SPECC1: variants seen among roughly 807,000 people sequenced by gnomAD.
SPECC1 encodes cytospin-B.
In SPECC1, 62 loss-of-function variants were observed where a neutral mutation model predicts 104.1. That is an observed-to-expected ratio of 0.60 (90% CI 0.49 to 0.74). SPECC1 has a LOEUF of 0.74. Among genes scored for constraint, SPECC1 ranks in the 30% least tolerant of loss-of-function variants. The pLI is 0.00. For missense variants in SPECC1, 1,306 were observed against 1,310.5 expected (o/e 1.00, Z 0.05); for synonymous variants, 513 against 501.6 (o/e 1.02, Z -0.30).
intron 3 of SPECC1, among the ~76,000 whole-genome samples, chr17:20,134,108 TAATATA>T (rs1336256165): frequency 1.3e-5 from 2 of 150,198 alleles, no homozygotes; most frequent in Non-Finnish European, 3.0e-5. Flanking sequence ...TATATTTATG[TAATATA>T]AATATAACAA....
At position 20,255,883 on chromosome 17, in the gene SPECC1, C is replaced by CTT. The variant is rs554972995; in HGVS notation, c.2681-1557_2681-1556dup. Reference sequence around the variant, plus strand: ...CATCATGCCTGGCCAAGAAACCATTCTTTTTTTTTTTTGAGATGCAGTCTT... The same window carrying CTT: ...CATCATGCCTGGCCAAGAAACCATTCTTTTTTTTTTTTTTGAGATGCAGTCTT... On this transcript the variant is annotated intron_variant, in intron 10 of 14. Transcript: ENST00000395527. Among the ~76,000 whole-genome samples, 6 of 141,936 alleles carry CTT rather than the reference C, an allele frequency of 4.2e-5. No individual in the cohort carries two copies. The East Asian group carries it at 6.2e-4, about 15-fold the overall frequency. 93.1% of individuals were successfully genotyped at this position (141,936 alleles called of 152,430 possible).
intron 1 of SPECC1, among the ~76,000 whole-genome samples, chr17:20,055,199 C>T (rs2045916610): frequency 6.6e-6 from 1 of 151,806 alleles, no homozygotes; most frequent in African/African-American, 2.4e-5. Context: ...CTTTCTATGA[C>T]TGCCTTATTT....
At chr17:20,076,366 A>G (rs1003354965) in intron 1 of SPECC1, among the ~76,000 whole-genome samples, 3 of 152,130 alleles carry the variant, frequency 2.0e-5, no homozygotes, top group African/African-American at 4.8e-5. Context: ...TGCCCAGCTA[A>G]GTTTTGTATT....
At chr17:20,140,132 G>C (rs910982605) in intron 3 of SPECC1, among the ~76,000 whole-genome samples, 1 of 152,098 alleles carries the variant, frequency 6.6e-6, no homozygotes, top group Non-Finnish European at 1.5e-5. Context: ...AATTGAAAAA[G>C]TTGGCTAAAC....
intron 3 of SPECC1, among the ~76,000 whole-genome samples, chr17:20,174,821 T>A (rs2151196709): frequency 6.6e-6 from 1 of 152,220 alleles, no homozygotes; most frequent in East Asian, 1.9e-4. Flanking sequence ...TAGACCTGAC[T>A]CATTTTCTTC....
At chr17:20,222,243 A>G (rs904867360) in intron 4 of SPECC1, among the ~76,000 whole-genome samples, 2 of 152,030 alleles carry the variant, frequency 1.3e-5, no homozygotes, top group African/African-American at 2.4e-5. Context: ...TGAGACAGGA[A>G]AATTGCTTGA....
chr17:20,298,924 A>AGAGAGAGAGG (rs2041448310), intron 13 of SPECC1, among the ~76,000 whole-genome samples: 1 of 51,586 alleles, frequency 1.9e-5, no homozygotes, highest in Non-Finnish European at 3.3e-5. Context: ...GAACCAAAAG[A>AGAGAGAGAGG]GAGAGAGAGA....
At chr17:20,092,494 T>C (rs1357170468) in intron 1 of SPECC1, among the ~76,000 whole-genome samples, 3 of 152,114 alleles carry the variant, frequency 2.0e-5, no homozygotes, top group Non-Finnish European at 4.4e-5. Flanking sequence ...CCTGCAGGTG[T>C]GTTTCCCTCG....
At chr17:20,033,768 CA>C (rs2044929385) in intron 1 of SPECC1, among the ~76,000 whole-genome samples, 1 of 152,190 alleles carries the variant, frequency 6.6e-6, no homozygotes, top group Non-Finnish European at 1.5e-5. Flanking sequence ...GCCCCACCTC[CA>C]GTACTGGGGA....
At chr17:20,120,782 A>G (rs17759959) in intron 3 of SPECC1, among the ~76,000 whole-genome samples, 46,404 of 152,168 alleles carry the variant, frequency 0.3, 8,495 homozygotes, top group Middle Eastern at 0.41. Context: ...AATTAAATCT[A>G]TAGTCAGCCT....
At chr17:20,313,798 G>A (rs1598187930) in intron 14 of SPECC1, among the ~76,000 whole-genome samples, 178 bp from the exon 15 acceptor site, 1 of 152,192 alleles carries the variant, frequency 6.6e-6, no homozygotes, top group South Asian at 2.1e-4. Flanking sequence ...TGAATAAGTG[G>A]GAGGAAAAGT....
intron 1 of SPECC1, among the ~76,000 whole-genome samples, chr17:20,060,405 G>T (rs1002850243): frequency 6.6e-6 from 1 of 152,122 alleles, no homozygotes; most frequent in African/African-American, 2.4e-5. Context: ...CCAATGCTTT[G>T]GGAAGCTGAG....
chr17:20,207,771 C>G (rs1041388845), intron 4 of SPECC1, among the ~76,000 whole-genome samples: 1 of 152,128 alleles, frequency 6.6e-6, no homozygotes, highest in Non-Finnish European at 1.5e-5. Context: ...TAAAAACTTG[C>G]ATTGATATGA....
In SPECC1 at chr17:20,151,452, A is replaced by C. The variant is rs147887146; in HGVS notation, c.283+40890A>C. ...TCTCGACTTAGAATATTTTCAGTTT[A>C]CAATGGGTTATTGGGACGTAACCCA... On this transcript the variant is annotated intron_variant, in intron 3 of 14. Transcript: ENST00000395527. 1.3e-3 allele frequency among the ~76,000 whole-genome samples: 194 copies of C among 152,352 alleles called. 1 individual carries two copies. Among genetic ancestry groups the C allele is most frequent in the African/African-American group, 4.6e-3 (190 of 41,580 alleles).
At chr17:20,067,106 GA>G (rs2046385738) in intron 1 of SPECC1, 1 of 151,820 alleles carries the variant, frequency 6.6e-6, no homozygotes, top group African/African-American at 2.4e-5. Flanking sequence ...AGACAGTGTA[GA>G]AAAATGTAAA....
intron 13 of SPECC1, among the ~76,000 whole-genome samples, chr17:20,298,948 A>AGAGAGAGAGAGAGT: frequency 1.4e-4 from 7 of 49,072 alleles, no homozygotes; most frequent in African/African-American, 6.5e-4. Flanking sequence ...AGAGAGAGAG[A>AGAGAGAGAGAGAGT]GTGTGTGTGT....
intron 1 of SPECC1, among the ~76,000 whole-genome samples, chr17:20,072,324 T>C (rs1002638458): frequency 1.3e-5 from 2 of 152,144 alleles, no homozygotes; most frequent in Admixed American, 6.5e-5. Flanking sequence ...GCCAACAAAC[T>C]CACCATTTTG....
rs1369654206 is a variant in SPECC1, at chr17:20,305,878, G to T, written c.3058-145G>T. On this transcript the variant is annotated intron_variant, in intron 13 of 14. Coordinates refer to ENST00000395527, the MANE Select transcript of SPECC1 (RefSeq NM_001243439.2). The stretch of plus-strand genomic sequence containing the variant: ...TGTTGATTTTTTTTTTTCTTAAACT[G>T]AGATCAAATATTGTACACTTGACTT... 1.3e-5 allele frequency: 8 copies of T among 596,348 alleles called. No individual in the cohort carries two copies. In the Admixed American group the frequency reaches 1.9e-4, roughly 14 times the overall value. 36.9% of individuals were successfully genotyped at this position (596,348 alleles called of 1,614,324 possible). A position where few individuals can be genotyped will look rare whatever the true frequency, so the allele number is the denominator to read the frequency against.
intron 3 of SPECC1, among the ~76,000 whole-genome samples, chr17:20,120,889 AATTAT>A (rs1301517111): frequency 6.6e-6 from 1 of 152,152 alleles, no homozygotes; most frequent in Non-Finnish European, 1.5e-5. Context: ...TGGTCGTAAT[AATTAT>A]ATTATTGTCT....
Sources: gnomAD v4.1 joint callset for allele counts (sites outside exome capture counted in the v4.1 genomes callset) on GRCh38, gnomAD v4.1.1 for gene constraint, MANE v1.5 for transcripts, NCBI Gene and HGNC (gene_info 2026-07-23, HGNC 2026-07-21) for gene names.